SPMIP7: variants seen among roughly 807,000 people sequenced by gnomAD.
The protein encoded by SPMIP7 is sperm microtubule inner protein 7.
At chr7:50,103,856 C>A in the SPMIP7 span, among the ~76,000 whole-genome samples, 1 of 152,186 alleles carries the variant, frequency 6.6e-6, no homozygotes, top group Non-Finnish European at 1.5e-5. Flanking sequence ...CTTATGGACA[C>A]CTCAAAACCA....
chr7:50,116,418 T>C, the SPMIP7 span, among the ~76,000 whole-genome samples: 2 of 152,234 alleles, frequency 1.3e-5, no homozygotes, highest in South Asian at 4.1e-4. Flanking sequence ...AATAAGGTTT[T>C]TAGAAATGAA....
At chr7:50,131,800 T>C in the SPMIP7 span, among the ~76,000 whole-genome samples, 1 of 152,026 alleles carries the variant, frequency 6.6e-6, no homozygotes, top group Non-Finnish European at 1.5e-5. Context: ...GGATTTAGAA[T>C]TCAGCAGAGT....
chr7:50,134,470 A>AG, the SPMIP7 span, among the ~76,000 whole-genome samples: 1 of 152,178 alleles, frequency 6.6e-6, no homozygotes, highest in East Asian at 1.9e-4. Context: ...TGATGTTTTC[A>AG]ATATTCAAAA....
the SPMIP7 span, chr7:50,134,326 T>C: frequency 8.7e-6 from 11 of 1,267,094 alleles, no homozygotes; most frequent in East Asian, 2.9e-4. Context: ...AAAATAATAC[T>C]TATTTTATTG....
chr7:50,128,141 G>A, the SPMIP7 span, among the ~76,000 whole-genome samples: 3 of 151,898 alleles, frequency 2.0e-5, no homozygotes, highest in Admixed American at 2.0e-4. Context: ...CCATAAAAGA[G>A]AATAAAATTC....
the SPMIP7 span, among the ~76,000 whole-genome samples, chr7:50,148,064 A>C: frequency 6.6e-6 from 1 of 152,220 alleles, no homozygotes; most frequent in Non-Finnish European, 1.5e-5. Context: ...AGCAGTCTAA[A>C]GTGTTCCCCA....
At chr7:50,125,629 T>C in the SPMIP7 span, among the ~76,000 whole-genome samples, 1 of 150,942 alleles carries the variant, frequency 6.6e-6, no homozygotes. Flanking sequence ...TATAAATATA[T>C]ATTAGAATAT....
chr7:50,134,356 T>A, the SPMIP7 span: 1 of 916,926 alleles, frequency 1.1e-6, no homozygotes, highest in Non-Finnish European at 1.6e-6. Context: ...CCTAAGGAAG[T>A]AAATTTATGT....
chr7:50,145,612 GTGTGTGTATATA>G, the SPMIP7 span, among the ~76,000 whole-genome samples: 1,099 of 36,898 alleles, frequency 0.03, 105 homozygotes, highest in African/African-American at 0.084. Context: ...GTGTGTATAT[GTGTGTGTATATA>G]TATATATATA....
the SPMIP7 span, among the ~76,000 whole-genome samples, chr7:50,097,311 A>G: frequency 0.98 from 149,075 of 152,354 alleles, 72,946 homozygotes; most frequent in East Asian, 1. Context: ...CATTTTTAGC[A>G]TCGGAAAAGG....
At chr7:50,098,997 C>T in the SPMIP7 span, among the ~76,000 whole-genome samples, 1 of 152,224 alleles carries the variant, frequency 6.6e-6, no homozygotes, top group Non-Finnish European at 1.5e-5. Flanking sequence ...ATTTCCCTCC[C>T]TGCCAGGGGT....
At chr7:50,118,357 T>C in the SPMIP7 span, among the ~76,000 whole-genome samples, 1 of 152,174 alleles carries the variant, frequency 6.6e-6, no homozygotes, top group Non-Finnish European at 1.5e-5. Flanking sequence ...GAACAAATAC[T>C]GGTGGGGTAA....
chr7:50,115,421 G>A, the SPMIP7 span, among the ~76,000 whole-genome samples: 1 of 152,078 alleles, frequency 6.6e-6, no homozygotes, highest in East Asian at 1.9e-4. Context: ...GGGGGATATG[G>A]AACATATGAA....
At chr7:50,096,103 G>A in the SPMIP7 span, 1 of 1,489,940 alleles carries the variant, frequency 6.7e-7, no homozygotes, top group Non-Finnish European at 8.9e-7. Context: ...TAGAAATTCA[G>A]GACACACCTG....
chr7:50,117,907 A>T, the SPMIP7 span, among the ~76,000 whole-genome samples: 1 of 152,214 alleles, frequency 6.6e-6, no homozygotes, highest in African/African-American at 2.4e-5. Flanking sequence ...CATTAAAAAC[A>T]GTCTCCAAGC....
chr7:50,145,178 G>A, the SPMIP7 span, among the ~76,000 whole-genome samples: 2 of 151,680 alleles, frequency 1.3e-5, no homozygotes, highest in Admixed American at 6.6e-5. Context: ...CAGGAGAATC[G>A]CTTGAGCCTG....
the SPMIP7 span, chr7:50,159,221 G>A: frequency 6.5e-7 from 1 of 1,535,184 alleles, no homozygotes; most frequent in Admixed American, 2.1e-5. Flanking sequence ...GAAGGCTTGT[G>A]CGGCGGTGGG....
At chr7:50,134,130 G>T in the SPMIP7 span, 1 of 1,548,788 alleles carries the variant, frequency 6.5e-7, no homozygotes, top group Non-Finnish European at 8.7e-7. Flanking sequence ...TGTTCCTTGG[G>T]ATAAGATGCT....
the SPMIP7 span, among the ~76,000 whole-genome samples, chr7:50,152,204 C>T: frequency 6.6e-6 from 1 of 151,926 alleles, no homozygotes; most frequent in Non-Finnish European, 1.5e-5. Context: ...AAAAATTAGC[C>T]AGTGTGGTGG....
Sources: gnomAD v4.1 joint callset for allele counts (sites outside exome capture counted in the v4.1 genomes callset) on GRCh38, gnomAD v4.1.1 for gene constraint, MANE v1.5 for transcripts, NCBI Gene and HGNC (gene_info 2026-07-23, HGNC 2026-07-21) for gene names.